Variants in CREB5 observed in about 807,000 individuals in gnomAD.
CREB5 encodes cyclic AMP-responsive element-binding protein 5.
CREB5 carries 19 observed loss-of-function variants against 57.1 expected under a neutral mutation model. The ratio of observed to expected loss-of-function variants is 0.33; its 90% CI spans 0.23 to 0.49. The LOEUF (loss-of-function observed/expected upper bound fraction) is 0.49. Ranked by LOEUF, CREB5 falls within the 20% of genes least tolerant of loss-of-function variation. The pLI is 0.99. For synonymous variants in CREB5, 238 were observed against 238.3 expected (o/e 1.00, Z 0.01); for missense variants, 579 against 671.6 (o/e 0.86, Z 1.52).
At chr7:28,301,170 T>A (rs775647337) in intron 1 of CREB5, among the ~76,000 whole-genome samples, 2 of 152,230 alleles carry the variant, frequency 1.3e-5, no homozygotes, top group South Asian at 2.1e-4. Flanking sequence ...GATTAGGAAC[T>A]GTTCAGGTTG....
At chr7:28,458,932 G>C (rs1790229401) in intron 1 of CREB5, among the ~76,000 whole-genome samples, 1 of 152,188 alleles carries the variant, frequency 6.6e-6, no homozygotes, top group Non-Finnish European at 1.5e-5. Context: ...TGATAACCCT[G>C]GTGGGCCTGG....
chr7:28,462,400 A>T lies in CREB5; in HGVS notation c.4-25775A>T, dbSNP rs553151005. ...TCGATGTATGAGTTTACAAGTTTTTATATGAACATAGGTTTTCATTTCTTT... is the reference window on the plus strand; with the variant it reads ...TCGATGTATGAGTTTACAAGTTTTTTTATGAACATAGGTTTTCATTTCTTT... On this transcript the variant is annotated intron_variant, in intron 1 of 10. Transcript: ENST00000357727. Among the ~76,000 whole-genome samples, 18 of 152,312 alleles carry T rather than the reference A, an allele frequency of 1.2e-4. No individual in the cohort carries two copies. The East Asian group carries it at 3.5e-3, about 29-fold the overall frequency.
At position 28,318,918 on chromosome 7, in the gene CREB5, T is replaced by C. The variant is rs566267255; in HGVS notation, c.-25+19477T>C. Reference sequence around the variant, plus strand: ...AAAACAAAAAGTACCAGAAAAGTCCTCCCAAATATCATCTACTCAATAGAT... The same window carrying C: ...AAAACAAAAAGTACCAGAAAAGTCCCCCCAAATATCATCTACTCAATAGAT... On this transcript the variant is annotated intron_variant, in intron 1 of 9. Coordinates refer to the CREB5 transcript ENST00000396299. 3.3e-5 allele frequency among the ~76,000 whole-genome samples: 5 copies of C among 152,278 alleles called. No homozygotes were observed. In the South Asian group the frequency reaches 1.0e-3, roughly 32 times the overall value.
intron 1 of CREB5, among the ~76,000 whole-genome samples, chr7:28,369,181 TGTA>T (rs1435926423): frequency 6.6e-6 from 1 of 152,224 alleles, no homozygotes; most frequent in Non-Finnish European, 1.5e-5. Flanking sequence ...GAGTCAAACA[TGTA>T]GTAGTAGGTG....
At chr7:28,738,023 G>T (rs952954847) in intron 7 of CREB5, among the ~76,000 whole-genome samples, 2 of 151,994 alleles carry the variant, frequency 1.3e-5, no homozygotes, top group Non-Finnish European at 2.9e-5. Flanking sequence ...AAGCTTATAA[G>T]TACAAAAACA....
rs142956053 is a variant in CREB5 at position 28,451,127 on chromosome 7, G to A, written c.4-37048G>A. Among the ~76,000 whole-genome samples, 163 of 152,320 alleles carry A rather than the reference G, an allele frequency of 1.1e-3. 1 individual carries two copies. Among genetic ancestry groups the A allele is most frequent in the African/African-American group, 3.7e-3 (153 of 41,574 alleles). ...AAGGGGTCTGTGCTGTGTGTCTATG[G>A]AGTGGGTGTGAGGTGCGCAAAGGGA... On this transcript the variant is annotated intron_variant, in intron 1 of 10. Coordinates refer to ENST00000357727, the MANE Select transcript of CREB5 (RefSeq NM_182898.4).
chr7:28,599,614 A>G (rs1796828571), intron 5 of CREB5, among the ~76,000 whole-genome samples: 1 of 152,218 alleles, frequency 6.6e-6, no homozygotes, highest in Non-Finnish European at 1.5e-5. Flanking sequence ...CTATGTGTAT[A>G]ATAAAGACAC....
intron 7 of CREB5, among the ~76,000 whole-genome samples, chr7:28,773,299 T>A (rs1174704079): frequency 6.6e-6 from 1 of 152,180 alleles, no homozygotes; most frequent in Non-Finnish European, 1.5e-5. Context: ...ATATTTACCC[T>A]TAATTAGGAA....
chr7:28,689,433 A>AAAG (rs1801129591), intron 5 of CREB5, among the ~76,000 whole-genome samples: 1 of 152,068 alleles, frequency 6.6e-6, no homozygotes, highest in African/African-American at 2.4e-5. Context: ...GAGCCACTGT[A>AAAG]CTCCAGCCTG....
At chr7:28,419,179 G>A (rs1788136264) in intron 1 of CREB5, among the ~76,000 whole-genome samples, 1 of 152,200 alleles carries the variant, frequency 6.6e-6, no homozygotes, top group Non-Finnish European at 1.5e-5. Context: ...AAAGTATTGT[G>A]TGGAGAGACA....
At chr7:28,648,710 C>T (rs1198250911) in intron 5 of CREB5, among the ~76,000 whole-genome samples, 4 of 152,014 alleles carry the variant, frequency 2.6e-5, no homozygotes, top group Non-Finnish European at 5.9e-5. Context: ...CTACTGCACT[C>T]CAGCCTGGGT....
intron 4 of CREB5, among the ~76,000 whole-genome samples, chr7:28,534,323 G>T (rs1793863064): frequency 6.6e-6 from 1 of 152,198 alleles, no homozygotes; most frequent in Admixed American, 6.5e-5. Flanking sequence ...AAGGGCAATA[G>T]ATGCTCTGGC....
intron 5 of CREB5, among the ~76,000 whole-genome samples, chr7:28,678,451 A>G (rs947305449): frequency 6.6e-6 from 1 of 152,192 alleles, no homozygotes; most frequent in Non-Finnish European, 1.5e-5. Context: ...TATAAATCAT[A>G]TAGTACTCCA....
upstream of CREB5, among the ~76,000 whole-genome samples, chr7:28,407,887 G>A (rs767547902): frequency 8.5e-5 from 13 of 152,226 alleles, no homozygotes; most frequent in East Asian, 1.9e-4. Flanking sequence ...AAACTGCACC[G>A]TCATGGTTGT....
intron 4 of CREB5, among the ~76,000 whole-genome samples, chr7:28,508,551 A>G (rs1792577223): frequency 1.3e-5 from 2 of 152,224 alleles, no homozygotes; most frequent in Non-Finnish European, 2.9e-5. Context: ...TTCCATCCGG[A>G]AAAGAAATTT....
At chr7:28,384,565 T>C (rs1477780973) in intron 1 of CREB5, among the ~76,000 whole-genome samples, 2 of 152,012 alleles carry the variant, frequency 1.3e-5, no homozygotes, top group Non-Finnish European at 1.5e-5. Context: ...CAACCTGAGC[T>C]GTCAAAGCAG....
At chr7:28,509,192 T>A (rs1017588479) in intron 4 of CREB5, among the ~76,000 whole-genome samples, 1 of 152,246 alleles carries the variant, frequency 6.6e-6, no homozygotes, top group African/African-American at 2.4e-5. Context: ...TCATCCATAT[T>A]GTCTTCATTT....
chr7:28,632,738 G>C (rs534732821), intron 5 of CREB5, among the ~76,000 whole-genome samples: 3 of 152,254 alleles, frequency 2.0e-5, no homozygotes, highest in African/African-American at 7.2e-5. Context: ...CTGTCCCTCG[G>C]CTCGAAGGTT....
rs527722522 is a variant in CREB5 at position 28,451,615 on chromosome 7, G to A, written c.4-36560G>A. Among the ~76,000 whole-genome samples the A allele has an allele frequency of 2.0e-5, 3 of 152,178 alleles. No individual in the cohort carries two copies. The South Asian group carries it at 6.2e-4, about 32-fold the overall frequency. On this transcript the variant is annotated intron_variant, in intron 1 of 10. Coordinates refer to ENST00000357727, the MANE Select transcript of CREB5 (RefSeq NM_182898.4). ...CTGCCTAGAGGTTTCATGGTACATA[G>A]TACATGTATGTGTATGTGTGTGCAT...
Sources: allele counts gnomAD v4.1 joint callset (sites outside exome capture counted in the v4.1 genomes callset), GRCh38; gene constraint gnomAD v4.1.1; transcripts MANE v1.5; gene names NCBI Gene and HGNC (gene_info 2026-07-23, HGNC 2026-07-21).